Variants in IRAG2 observed in about 807,000 individuals in gnomAD.
The protein encoded by IRAG2 is inositol 1,4,5-triphosphate receptor associated 2.
IRAG2 carries 45 observed loss-of-function variants against 69.9 expected under a neutral mutation model. The observed-to-expected ratio is 0.64, with a 90% CI of 0.51 to 0.83. The LOEUF is 0.83. IRAG2 is among the 40% of genes least tolerant of loss of function. The pLI is 0.00. For synonymous variants in IRAG2, 193 were observed against 202.4 expected (o/e 0.95, Z 0.40); for missense variants, 520 against 587.0 (o/e 0.89, Z 1.18).
intron 10 of IRAG2, among the ~76,000 whole-genome samples, chr12:25,085,452 TTCTC>T (rs1160843278): frequency 3.3e-5 from 5 of 152,218 alleles, no homozygotes; most frequent in Non-Finnish European, 5.9e-5. Context: ...ATCCCCCCTC[TTCTC>T]TCTTTCTCTG....
Position 25,089,668 on chromosome 12 carries a change from A to C in IRAG2, c.428A>C (p.Gln143Pro), listed in dbSNP as rs752672171. Residue 143 changes from glutamine (Q) to proline (P), a missense_variant, in exon 12 of 22, where the codon CAA (glutamine) becomes CCA (proline). By Grantham distance (76) the Gln-to-Pro change is moderately conservative. Coordinates refer to ENST00000556887, the MANE Select transcript of IRAG2 (RefSeq NM_001366544.2). ...ACTGTGAAATCGGTTAACCTTAGACAAAGTGAGAAGTAAGTGCTTCTTCAT... is the reference window on the plus strand; with the variant it reads ...ACTGTGAAATCGGTTAACCTTAGACCAAGTGAGAAGTAAGTGCTTCTTCAT... The part of the protein sequence containing the change: ...VTTVKSVNLR[Q>P]SENTSANEKE... 2.5e-6 allele frequency: 4 copies of C among 1,607,602 alleles called. No individual in the cohort carries two copies. Among genetic ancestry groups the C allele is most frequent in the Non-Finnish European group, 3.4e-6 (4 of 1,174,274 alleles).
chr12:25,053,590 ATT>A (rs1945009135), intron 1 of IRAG2, among the ~76,000 whole-genome samples: 1 of 152,156 alleles, frequency 6.6e-6, no homozygotes, highest in Non-Finnish European at 1.5e-5. Flanking sequence ...CAGTTGTCAC[ATT>A]ACAGATGTCA....
chr12:24,998,566 T>C, the IRAG2 span, among the ~76,000 whole-genome samples: 1 of 152,210 alleles, frequency 6.6e-6, no homozygotes, highest in African/African-American at 2.4e-5. Context: ...ATGGGTTTCC[T>C]GGGAATGTCT....
In IRAG2 at chr12:25,108,257, TTGAA is replaced by T. The variant is rs2140298544; in HGVS notation, c.*201_*204del. ...TGGGGAAGAAGTCTGCCTATGATCTTTGAATGAGCTTTTTAAGGAAGAAATATTA... is the reference window on the plus strand; with the variant it reads ...TGGGGAAGAAGTCTGCCTATGATCTTTGAGCTTTTTAAGGAAGAAATATTA... On this transcript the variant is annotated 3_prime_UTR_variant, in exon 22 of 22. Transcript: ENST00000556887. 3 of 592,828 alleles carry T rather than the reference TTGAA, an allele frequency of 5.1e-6. No homozygotes were observed. The highest frequency in any genetic ancestry group is 2.8e-5 in the East Asian group (1 of 35,326). 36.7% of individuals were successfully genotyped at this position (592,828 alleles called of 1,614,324 possible). A position where few individuals can be genotyped will look rare whatever the true frequency, so the allele number is the denominator to read the frequency against.
Position 25,066,448 on chromosome 12 carries a change from C to A in IRAG2, c.-123C>A, listed in dbSNP as rs1397031464. Reference sequence around the variant, plus strand: ...AGGTGTAGCCAACCAAATCCACACTCTGTGTGAAAGGCCCACATATGGAGA... The same window carrying A: ...AGGTGTAGCCAACCAAATCCACACTATGTGTGAAAGGCCCACATATGGAGA... On this transcript the variant is annotated 5_prime_UTR_variant, in exon 5 of 22. It adds an upstream start codon to the 5' untranslated region. Coordinates refer to ENST00000556887, the MANE Select transcript of IRAG2 (RefSeq NM_001366544.2). The A allele has an allele frequency of 2.5e-6, 1 of 401,078 alleles. No homozygotes were observed. The highest frequency in any genetic ancestry group is 4.4e-6 in the Non-Finnish European group (1 of 226,236). 24.8% of individuals were successfully genotyped at this position (401,078 alleles called of 1,614,324 possible).
intron 21 of IRAG2, 27 bp downstream of exon 21, chr12:25,107,077 C>T: frequency 7.6e-7 from 1 of 1,314,770 alleles, no homozygotes; most frequent in Admixed American, 1.8e-5. Flanking sequence ...ATAAATTCTA[C>T]CATTTTAGTG....
At chr12:25,051,154 G>A (rs1944861825), upstream of IRAG2, among the ~76,000 whole-genome samples, 1 of 152,182 alleles carries the variant, frequency 6.6e-6, no homozygotes, top group East Asian at 1.9e-4. Flanking sequence ...AAGAAAAAGA[G>A]AGAAAAAGAG....
intron 9 of IRAG2, among the ~76,000 whole-genome samples, chr12:25,082,100 C>T (rs1334895786): frequency 6.6e-6 from 1 of 152,056 alleles, no homozygotes; most frequent in Admixed American, 6.5e-5. Flanking sequence ...CACTATGTTT[C>T]CTAGGCTGGT....
chr12:25,074,499 T>C (rs1218380589), intron 6 of IRAG2, among the ~76,000 whole-genome samples: 2 of 152,138 alleles, frequency 1.3e-5, no homozygotes, highest in Admixed American at 1.3e-4. Context: ...GTCTCTGCAG[T>C]TCTTTTGGTT....
chr12:25,056,534 G>A (rs977279246), intron 1 of IRAG2, among the ~76,000 whole-genome samples: 14 of 152,192 alleles, frequency 9.2e-5, no homozygotes, highest in Non-Finnish European at 1.9e-4. Context: ...GCCTCTCTGA[G>A]CTTCAGTATC....
chr12:25,031,675 G>A (rs151145449), intron 10 of IRAG2, among the ~76,000 whole-genome samples: 140 of 151,934 alleles, frequency 9.2e-4, no homozygotes, highest in African/African-American at 3.3e-3. Flanking sequence ...TTTTTGTTTT[G>A]TTTTTTTGTT....
intron 6 of IRAG2, among the ~76,000 whole-genome samples, chr12:25,078,586 A>G (rs1384694007): frequency 2.6e-5 from 4 of 152,174 alleles, no homozygotes; most frequent in African/African-American, 9.6e-5. Flanking sequence ...TTCTCACTGT[A>G]TTTTTTGAAA....
intron 6 of IRAG2, among the ~76,000 whole-genome samples, chr12:25,077,147 G>A (rs544427012): frequency 8.4e-6 from 1 of 119,190 alleles, no homozygotes; most frequent in Non-Finnish European, 1.8e-5. Flanking sequence ...GAGATTGCAG[G>A]CGTGTGCCAC....
At chr12:25,107,246 ACTTTT>A (rs1949232559) in intron 21 of IRAG2, among the ~76,000 whole-genome samples, 196 bp downstream of exon 21, 2 of 152,096 alleles carry the variant, frequency 1.3e-5, no homozygotes, top group African/African-American at 4.8e-5. Context: ...CATTCACATA[ACTTTT>A]ACTGTAATAT....
At chr12:25,103,927 C>A in intron 18 of IRAG2, 28 bp downstream of exon 18, 1 of 1,606,638 alleles carries the variant, frequency 6.2e-7, no homozygotes, top group South Asian at 1.1e-5. Context: ...TGTTCTTAGT[C>A]AAAGGTAAAT....
At chr12:25,017,099 GT>G in intron 5 of IRAG2, 1 of 1,228,372 alleles carries the variant, frequency 8.1e-7, no homozygotes, top group Non-Finnish European at 1.0e-6. Flanking sequence ...AATTAGTGAT[GT>G]GAAGGTTATT....
intron 9 of IRAG2, among the ~76,000 whole-genome samples, chr12:25,029,593 C>G (rs1022648834): frequency 6.6e-6 from 1 of 151,972 alleles, no homozygotes; most frequent in Non-Finnish European, 1.5e-5. Flanking sequence ...AACAAGCTTG[C>G]TTTTGATTTG....
chr12:25,050,731 A>T (rs1944848492), upstream of IRAG2, among the ~76,000 whole-genome samples: 1 of 152,184 alleles, frequency 6.6e-6, no homozygotes, highest in South Asian at 2.1e-4. Flanking sequence ...AAACAACCTG[A>T]ATGTCCACGG....
At chr12:25,064,838 C>A (rs1251822364) in intron 4 of IRAG2, among the ~76,000 whole-genome samples, 1 of 152,156 alleles carries the variant, frequency 6.6e-6, no homozygotes, top group Non-Finnish European at 1.5e-5. Flanking sequence ...GCCTGTAATT[C>A]CTGCACTTTG....
Sources: gnomAD v4.1 joint callset for allele counts (sites outside exome capture counted in the v4.1 genomes callset) on GRCh38, gnomAD v4.1.1 for gene constraint, MANE v1.5 for transcripts, NCBI Gene and HGNC (gene_info 2026-07-23, HGNC 2026-07-21) for gene names.